Variants in TENM1 observed in about 807,000 individuals in gnomAD.
TENM1 encodes teneurin transmembrane protein 1.
In TENM1, 35 loss-of-function variants were observed where a neutral mutation model predicts 174.8. The observed-to-expected ratio is 0.20, with a 90% CI of 0.15 to 0.27. The LOEUF (loss-of-function observed/expected upper bound fraction) is 0.27. TENM1 is among the 10% of genes least tolerant of loss of function. The probability of loss-of-function intolerance (pLI) is 1.00; values close to 1 mark genes in which losing one functional copy is unlikely to be tolerated. For missense variants in TENM1, 1,633 were observed against 2,130.1 expected (o/e 0.77, Z 4.59); for synonymous variants, 781 against 798.7 (o/e 0.98, Z 0.37).
intron 22 of TENM1, among the ~76,000 whole-genome samples, chrX:124,464,094 G>A (rs749017882): frequency 1.7e-3 from 187 of 110,855 alleles, no homozygotes; most frequent in African/African-American, 5.6e-3. Flanking sequence ...CAAACATCAA[G>A]CAACGATATC....
chrX:125,102,562 T>C, the TENM1 span, among the ~76,000 whole-genome samples: 1 of 112,078 alleles, frequency 8.9e-6, no homozygotes, highest in Non-Finnish European at 1.9e-5. Context: ...GTATTATTTA[T>C]ACAGAACTCA....
intron 19 of TENM1, among the ~76,000 whole-genome samples, chrX:124,500,153 C>G (rs2047295323): frequency 8.9e-6 from 1 of 111,887 alleles, no homozygotes; most frequent in African/African-American, 3.2e-5. Flanking sequence ...AAACATAAGG[C>G]AATGTACTTT....
At chrX:124,492,606 T>C (rs2047094919) in intron 20 of TENM1, among the ~76,000 whole-genome samples, 1 of 111,118 alleles carries the variant, frequency 9.0e-6, no homozygotes, top group Non-Finnish European at 1.9e-5. Context: ...TTGATGGTTT[T>C]GAATATAGTC....
the TENM1 span, among the ~76,000 whole-genome samples, chrX:125,097,332 T>C: frequency 8.9e-6 from 1 of 112,119 alleles, no homozygotes; most frequent in Non-Finnish European, 1.9e-5. Flanking sequence ...ATCAGCAAGA[T>C]ACACTTTGAA....
At chrX:124,515,100 A>G (rs1323727488) in intron 18 of TENM1, among the ~76,000 whole-genome samples, 2 of 111,830 alleles carry the variant, frequency 1.8e-5, no homozygotes, top group Non-Finnish European at 3.8e-5. Context: ...GAAAAAAACC[A>G]CTTGATCTCA....
the TENM1 span, among the ~76,000 whole-genome samples, chrX:125,146,647 T>G: frequency 9.0e-6 from 1 of 110,963 alleles, no homozygotes; most frequent in Non-Finnish European, 1.9e-5. Flanking sequence ...CTCCTATTAA[T>G]AAGGAAGACC....
intron 22 of TENM1, among the ~76,000 whole-genome samples, chrX:124,475,238 C>T (rs1399626620): frequency 9.0e-6 from 1 of 111,229 alleles, no homozygotes; most frequent in African/African-American, 3.3e-5. Flanking sequence ...GATCCTCATC[C>T]CTATACCCTA....
chrX:124,656,341 G>A (rs1326162425), intron 6 of TENM1, among the ~76,000 whole-genome samples: 1 of 111,999 alleles, frequency 8.9e-6, no homozygotes. Flanking sequence ...TTGTGTTGTT[G>A]GGCTTCTCTG....
the TENM1 span, among the ~76,000 whole-genome samples, chrX:125,032,377 T>G: frequency 9.1e-6 from 1 of 109,984 alleles, no homozygotes; most frequent in Admixed American, 9.8e-5. Context: ...ACTATGTTGG[T>G]CAGGCTGGTC....
the TENM1 span, among the ~76,000 whole-genome samples, chrX:124,986,995 A>G: frequency 9.0e-6 from 1 of 111,461 alleles, no homozygotes; most frequent in East Asian, 2.8e-4. Context: ...ACTGGAATTA[A>G]CTGCATACGC....
intron 3 of TENM1, among the ~76,000 whole-genome samples, chrX:124,825,158 CTTTTTTTTTTTTT>C (rs745471230): frequency 0.012 from 758 of 60,994 alleles, 9 homozygotes; most frequent in African/African-American, 0.045. Flanking sequence ...AGCTGACTTT[CTTTTTTTTTTTTT>C]TTTTTTTTTT....
chrX:124,784,568 A>G (rs901087759), intron 3 of TENM1, among the ~76,000 whole-genome samples: 1 of 111,684 alleles, frequency 9.0e-6, no homozygotes, highest in Non-Finnish European at 1.9e-5. Flanking sequence ...TGGCAGTTAT[A>G]TGATTCTTCC....
At chrX:124,679,543 G>A (rs1239565390) in intron 5 of TENM1, among the ~76,000 whole-genome samples, 2 of 111,977 alleles carry the variant, frequency 1.8e-5, no homozygotes, top group Non-Finnish European at 3.8e-5. Flanking sequence ...AATGCTACTT[G>A]AATTAAATGC....
the TENM1 span, among the ~76,000 whole-genome samples, chrX:125,181,582 G>C: frequency 9.0e-6 from 1 of 111,512 alleles, no homozygotes; most frequent in African/African-American, 3.3e-5. Context: ...TGCTGCGGGT[G>C]TCCCATGAAA....
At chrX:124,390,517 C>T (rs1214537349) in intron 28 of TENM1, among the ~76,000 whole-genome samples, 1 of 111,738 alleles carries the variant, frequency 8.9e-6, no homozygotes, top group East Asian at 2.8e-4. Flanking sequence ...CTCAGTTGGT[C>T]GGACTCTGGT....
At chrX:125,067,247 G>T in the TENM1 span, among the ~76,000 whole-genome samples, 1 of 111,128 alleles carries the variant, frequency 9.0e-6, no homozygotes, top group Non-Finnish European at 1.9e-5. Flanking sequence ...TTTTTTCTTA[G>T]AATCTAAGTC....
At chrX:124,549,181 C>T (rs1034177111) in intron 14 of TENM1, among the ~76,000 whole-genome samples, 1 of 112,146 alleles carries the variant, frequency 8.9e-6, no homozygotes, top group Non-Finnish European at 1.9e-5. Context: ...CTTATTAGCA[C>T]ATTATCTCTT....
the TENM1 span, among the ~76,000 whole-genome samples, chrX:125,119,228 C>A: frequency 9.0e-6 from 1 of 111,573 alleles, no homozygotes; most frequent in Non-Finnish European, 1.9e-5. Context: ...TTAATTTACA[C>A]AACACTTGCA....
intron 3 of TENM1, among the ~76,000 whole-genome samples, chrX:124,867,044 G>A (rs1223035922): frequency 1.8e-5 from 2 of 111,185 alleles, no homozygotes; most frequent in Non-Finnish European, 1.9e-5. Flanking sequence ...TTTCACTGCT[G>A]AATTCTACCA....
Sources: gnomAD v4.1 joint callset for allele counts (sites outside exome capture counted in the v4.1 genomes callset) on GRCh38, gnomAD v4.1.1 for gene constraint, MANE v1.5 for transcripts, NCBI Gene and HGNC (gene_info 2026-07-23, HGNC 2026-07-21) for gene names.